SASH1: variants seen among roughly 807,000 people sequenced by gnomAD.
SASH1 encodes SAM and SH3 domain containing 1, also known as SAM and SH3 domain-containing protein 1.
A neutral mutation model predicts 125.2 loss-of-function variants in SASH1; 44 were observed. The observed-to-expected ratio is 0.35, with a 90% CI of 0.28 to 0.45. The LOEUF (loss-of-function observed/expected upper bound fraction) is 0.45. Ranked by LOEUF, SASH1 falls within the 20% of genes least tolerant of loss-of-function variation. The pLI, the probability that SASH1 is intolerant of heterozygous loss-of-function variation, is 1.00. For synonymous variants in SASH1, 639 were observed against 649.1 expected, an observed-to-expected ratio of 0.98 and a Z score of 0.24; for missense variants, 1,426 against 1,614.5, an observed-to-expected ratio of 0.88 and a Z score of 2.00.
intron 1 of SASH1, among the ~76,000 whole-genome samples, chr6:148,310,603 C>CT (rs1178601632): frequency 6.6e-6 from 1 of 152,012 alleles, no homozygotes; most frequent in Non-Finnish European, 1.5e-5. Flanking sequence ...CAACCACACA[C>CT]TGAGAGAAAA....
chr6:148,513,397 G>GT, intron 8 of SASH1: 1 of 985,468 alleles, frequency 1.0e-6, no homozygotes, highest in Non-Finnish European at 1.2e-6. Context: ...TTGCACACTC[G>GT]TTTAGTCAGA....
chr6:148,364,896 A>G (rs1310199363), intron 1 of SASH1, among the ~76,000 whole-genome samples: 1 of 152,096 alleles, frequency 6.6e-6, no homozygotes, highest in Non-Finnish European at 1.5e-5. Flanking sequence ...GCTTAGGAAG[A>G]CAGATCACCT....
At chr6:148,483,100 G>A (rs1265716669) in intron 7 of SASH1, among the ~76,000 whole-genome samples, 2 of 152,136 alleles carry the variant, frequency 1.3e-5, no homozygotes, top group Non-Finnish European at 2.9e-5. Context: ...GAATACCTGA[G>A]ACAGGGTAAC....
chr6:148,376,105 C>T (rs1367429284), intron 1 of SASH1, among the ~76,000 whole-genome samples: 2 of 152,158 alleles, frequency 1.3e-5, no homozygotes, highest in African/African-American at 2.4e-5. Context: ...TGCTCTGTCA[C>T]CCAGGCTGGA....
chr6:148,510,544 A>G lies in SASH1; in HGVS notation c.730-3780A>G, dbSNP rs548822734. Among the ~76,000 whole-genome samples, 87 of 152,328 alleles carry G rather than the reference A, an allele frequency of 5.7e-4. 1 individual carries two copies. The South Asian group carries it at 0.018, about 32-fold the overall frequency. On this transcript the variant is annotated intron_variant, in intron 8 of 19. Transcript: ENST00000367467. The stretch of plus-strand genomic sequence containing the variant: ...TCTTAGAATCAGTCATTTATTTTAT[A>G]TACAATGCAGATTTCCTCTATCTTC...
the SASH1 span, among the ~76,000 whole-genome samples, chr6:148,249,816 A>G: frequency 6.6e-6 from 1 of 152,202 alleles, no homozygotes; most frequent in Admixed American, 6.5e-5. Context: ...GTAATTGCCT[A>G]AAATATATAG....
At chr6:148,288,501 T>C (rs1275447947) in intron 1 of SASH1, among the ~76,000 whole-genome samples, 2 of 152,234 alleles carry the variant, frequency 1.3e-5, no homozygotes. Context: ...CATCCGTACA[T>C]GAACCAGGAA....
intron 1 of SASH1, among the ~76,000 whole-genome samples, chr6:148,383,722 C>T (rs1349959471): frequency 1.3e-5 from 2 of 152,122 alleles, no homozygotes; most frequent in African/African-American, 4.8e-5. Flanking sequence ...ACAAAAGTAA[C>T]GATACAAATG....
chr6:148,463,839 A>T (rs1451347337), intron 4 of SASH1, among the ~76,000 whole-genome samples: 1 of 152,104 alleles, frequency 6.6e-6, no homozygotes, highest in Non-Finnish European at 1.5e-5. Context: ...TTATTTCATT[A>T]TTTAGGTTTC....
At chr6:148,490,197 G>T (rs1779049099) in intron 8 of SASH1, among the ~76,000 whole-genome samples, 3 of 151,436 alleles carry the variant, frequency 2.0e-5, no homozygotes, top group Admixed American at 1.3e-4. Flanking sequence ...AGGAATGAAG[G>T]CTCCAGAATT....
chr6:148,531,374 G>A (rs1481449537), intron 12 of SASH1, 152 bp from the exon 13 acceptor site: 4 of 565,986 alleles, frequency 7.1e-6, no homozygotes, highest in African/African-American at 5.8e-5. Context: ...AAGCGAGGAT[G>A]TAAGTTTAAG....
At chr6:148,288,608 C>A (rs1484899394) in intron 1 of SASH1, among the ~76,000 whole-genome samples, 2 of 152,174 alleles carry the variant, frequency 1.3e-5, no homozygotes, top group East Asian at 3.9e-4. Flanking sequence ...GAATATGTGA[C>A]TTCTATCATT....
At position 148,512,404 on chromosome 6, in the gene SASH1, T is replaced by C. The variant is rs80172781; in HGVS notation, c.730-1920T>C. On this transcript the variant is annotated intron_variant, in intron 8 of 19. Coordinates refer to ENST00000367467, the MANE Select transcript of SASH1 (RefSeq NM_015278.5). ...TTCTTCTATTAGAATTGCTTGGCTT[T>C]TGAGCTACATCAAGAGAGCAGAATG... 984 of 896,692 alleles carry C rather than the reference T, an allele frequency of 1.1e-3. 2 individuals carry two copies. The African/African-American group carries it at 0.017, about 15-fold the overall frequency. 55.5% of individuals were successfully genotyped at this position (896,692 alleles called of 1,614,324 possible).
At chr6:148,204,722 T>C in the SASH1 span, among the ~76,000 whole-genome samples, 2 of 151,820 alleles carry the variant, frequency 1.3e-5, no homozygotes, top group Non-Finnish European at 2.9e-5. Context: ...AAAAAAACTG[T>C]TTATGCTGAT....
chr6:148,468,354 C>T (rs781633968), intron 4 of SASH1, among the ~76,000 whole-genome samples, 191 bp from the exon 5 acceptor site: 8 of 152,122 alleles, frequency 5.3e-5, no homozygotes, highest in Non-Finnish European at 1.2e-4. Context: ...TAATAAATGT[C>T]GACAAATGGC....
chr6:148,325,535 A>T (rs1254824467), intron 1 of SASH1, among the ~76,000 whole-genome samples: 2 of 152,052 alleles, frequency 1.3e-5, no homozygotes, highest in Admixed American at 6.6e-5. Context: ...CAGCCTCCCA[A>T]AGTGCTGAGA....
chr6:148,527,271 A>G, intron 11 of SASH1, 182 bp from the exon 12 acceptor site: 1 of 521,580 alleles, frequency 1.9e-6, no homozygotes, highest in Non-Finnish European at 3.2e-6. Context: ...AAACAAAAAT[A>G]GTCAATAAGC....
chr6:148,302,841 T>C (rs868462438), intron 1 of SASH1, among the ~76,000 whole-genome samples: 1,329 of 114,334 alleles, frequency 0.012, 15 homozygotes, highest in African/African-American at 0.035. Flanking sequence ...TATATATATA[T>C]ATACACACAC....
At position 148,343,206 on chromosome 6, in the gene SASH1, G is replaced by T. The variant is rs778542564; in HGVS notation, c.139G>T (p.Asp47Tyr). ...CGAGGCGTTCTCCCGACTCTGGACC[G>T]ACGTGATGGGTATCCTGGTAAGTTA... is the stretch of plus-strand genomic sequence containing the variant. ...TSEAFSRLWTDVMGILDGSLG... is the reference protein window; with the variant it reads ...TSEAFSRLWTYVMGILDGSLG... The change falls in exon 1 of 20, where the codon GAC (aspartate) becomes TAC (tyrosine). Residue 47 changes from aspartate (D) to tyrosine (Y), a missense_variant. Asp to Tyr is a radical substitution (Grantham distance 160, BLOSUM62 -3). Transcript: ENST00000367467. 6.3e-7 allele frequency: 1 copy of T among 1,592,354 alleles called. No individual in the cohort carries two copies. The highest frequency in any genetic ancestry group is 8.5e-7 in the Non-Finnish European group (1 of 1,174,940).
Sources: allele counts gnomAD v4.1 joint callset (sites outside exome capture counted in the v4.1 genomes callset), GRCh38; gene constraint gnomAD v4.1.1; transcripts MANE v1.5; gene names NCBI Gene and HGNC (gene_info 2026-07-23, HGNC 2026-07-21).